WWOX: variants seen among roughly 807,000 people sequenced by gnomAD.
The protein encoded by WWOX is WW domain-containing oxidoreductase.
In WWOX, 69 loss-of-function variants were observed where a neutral mutation model predicts 46.2. The ratio of observed to expected loss-of-function variants is 1.49; its 90% CI spans 1.23 to 1.82. The LOEUF (loss-of-function observed/expected upper bound fraction) is 1.82, where lower values mean the gene tolerates loss of function less well. WWOX is among the 40% of genes most tolerant of loss of function. WWOX has a pLI of 0.00. For synonymous variants in WWOX, 359 were observed against 202.6 expected (o/e 1.77, Z -6.56); for missense variants, 919 against 542.6 (o/e 1.69, Z -6.89).
intron 8 of WWOX, among the ~76,000 whole-genome samples, chr16:78,748,581 G>A (rs1054911641): frequency 1.3e-5 from 2 of 152,096 alleles, no homozygotes; most frequent in Non-Finnish European, 2.9e-5. Context: ...ATTACAATAC[G>A]TCCGTGATCA....
rs1164021765 is a variant in WWOX, at chr16:79,008,869, A to G, written c.1057-202739A>G. On this transcript the variant is annotated intron_variant, in intron 8 of 8. Coordinates refer to ENST00000566780, the MANE Select transcript of WWOX (RefSeq NM_016373.4). ...ATCAGGTGGCAGGGCCTTTAATTGG[A>G]GCCACGTGTGTATAATGAGCAGCGC... 2.8e-5 allele frequency among the ~76,000 whole-genome samples: 4 copies of G among 142,296 alleles called. No homozygotes were observed. The Admixed American group carries it at 2.9e-4, about 10-fold the overall frequency. The allele number at this position is 142,296 out of a possible 152,430, so 93.4% of individuals were successfully genotyped here.
At chr16:78,529,908 A>C (rs909217588) in intron 8 of WWOX, among the ~76,000 whole-genome samples, 1 of 152,226 alleles carries the variant, frequency 6.6e-6, no homozygotes, top group Non-Finnish European at 1.5e-5. Context: ...AAGTTTTACA[A>C]ATCTCCTGAA....
intron 8 of WWOX, among the ~76,000 whole-genome samples, chr16:78,578,284 A>ATATATATATATATATTT (rs1555567122): frequency 1.4e-4 from 3 of 20,842 alleles, no homozygotes; most frequent in Non-Finnish European, 2.4e-4. Context: ...ATATATATAT[A>ATATATATATATATATTT]TTTTTTTTTT....
At chr16:78,150,843 T>C (rs180671820) in intron 4 of WWOX, among the ~76,000 whole-genome samples, 192 of 152,070 alleles carry the variant, frequency 1.3e-3, no homozygotes, top group African/African-American at 4.5e-3. Context: ...AATAAAAGAC[T>C]CTCCCCTCAC....
chr16:79,050,587 G>A (rs1252177995), intron 8 of WWOX, among the ~76,000 whole-genome samples: 2 of 152,158 alleles, frequency 1.3e-5, no homozygotes, highest in Non-Finnish European at 2.9e-5. Context: ...CAGAGAGGAG[G>A]GTGAAGAATG....
intron 8 of WWOX, among the ~76,000 whole-genome samples, chr16:78,668,061 T>C (rs1296772310): frequency 6.6e-6 from 1 of 152,082 alleles, no homozygotes; most frequent in African/African-American, 2.4e-5. Flanking sequence ...GGTGGATCAC[T>C]TGAGGTCAGG....
chr16:79,010,308 G>A (rs1331232417), intron 8 of WWOX, among the ~76,000 whole-genome samples: 1 of 152,152 alleles, frequency 6.6e-6, no homozygotes, highest in Non-Finnish European at 1.5e-5. Flanking sequence ...AGTGGCGTGT[G>A]CTGAGGGAAG....
chr16:78,439,426 G>C (rs771187414), intron 8 of WWOX, among the ~76,000 whole-genome samples: 5 of 152,120 alleles, frequency 3.3e-5, no homozygotes, highest in Admixed American at 2.6e-4. Flanking sequence ...CCTTCTTGCA[G>C]GAAGAAACAT....
At chr16:78,102,736 C>G (rs1212663466) in intron 1 of WWOX, among the ~76,000 whole-genome samples, 3 of 152,180 alleles carry the variant, frequency 2.0e-5, no homozygotes, top group Non-Finnish European at 4.4e-5. Context: ...CCTTGTTGGC[C>G]CTGTCTCCCT....
chr16:78,484,480 T>A (rs2084580407), intron 8 of WWOX, among the ~76,000 whole-genome samples: 1 of 152,232 alleles, frequency 6.6e-6, no homozygotes. Flanking sequence ...ATTCATAAAT[T>A]GATTAATCAT....
chr16:78,686,534 GA>G (rs2047864707), intron 8 of WWOX, among the ~76,000 whole-genome samples: 2 of 151,834 alleles, frequency 1.3e-5, no homozygotes, highest in Non-Finnish European at 2.9e-5. Context: ...AAATCTGTTA[GA>G]AATGCATATT....
At chr16:78,369,557 C>T (rs1567530380) in intron 5 of WWOX, among the ~76,000 whole-genome samples, 3 of 152,268 alleles carry the variant, frequency 2.0e-5, no homozygotes, top group South Asian at 4.1e-4. Context: ...CACAAGTGCA[C>T]CTGCCACAGT....
intron 5 of WWOX, among the ~76,000 whole-genome samples, chr16:78,301,954 G>A (rs923948535): frequency 1.3e-5 from 2 of 151,716 alleles, no homozygotes; most frequent in African/African-American, 2.4e-5. Flanking sequence ...AATTAGATGA[G>A]GGTGTTTTTT....
chr16:79,161,784 G>A (rs1472348928), intron 8 of WWOX, among the ~76,000 whole-genome samples: 1 of 152,222 alleles, frequency 6.6e-6, no homozygotes, highest in Non-Finnish European at 1.5e-5. Context: ...CTGCCAAAGT[G>A]CTGGGATTAC....
At chr16:78,735,383 C>T (rs8061700) in intron 8 of WWOX, among the ~76,000 whole-genome samples, 16,282 of 129,214 alleles carry the variant, frequency 0.13, 978 homozygotes, top group African/African-American at 0.18. Flanking sequence ...ATGTCATACA[C>T]ACCACACACA....
chr16:78,917,927 C>T (rs79146686), intron 8 of WWOX, among the ~76,000 whole-genome samples: 2,732 of 152,208 alleles, frequency 0.018, 27 homozygotes, highest in African/African-American at 0.03. Flanking sequence ...ATAGGCTGGG[C>T]GTGGTGGCTC....
chr16:78,289,373 G>C (rs2079822853), intron 5 of WWOX, among the ~76,000 whole-genome samples: 1 of 152,082 alleles, frequency 6.6e-6, no homozygotes, highest in Non-Finnish European at 1.5e-5. Context: ...AATAGTCTAA[G>C]ATTGTTCCAC....
chr16:78,752,428 C>G (rs143643588), intron 8 of WWOX, among the ~76,000 whole-genome samples: 1 of 152,160 alleles, frequency 6.6e-6, no homozygotes, highest in Non-Finnish European at 1.5e-5. Context: ...GCTGGGATTA[C>G]AGGCACACAC....
At chr16:78,947,936 C>G (rs1454845479) in intron 8 of WWOX, among the ~76,000 whole-genome samples, 1 of 152,070 alleles carries the variant, frequency 6.6e-6, no homozygotes, top group South Asian at 2.1e-4. Flanking sequence ...GAAAAAAACA[C>G]CAGTAATTAA....
Sources: gnomAD v4.1 joint callset for allele counts (sites outside exome capture counted in the v4.1 genomes callset) on GRCh38, gnomAD v4.1.1 for gene constraint, MANE v1.5 for transcripts, NCBI Gene and HGNC (gene_info 2026-07-23, HGNC 2026-07-21) for gene names.